Variants in PLEKHH2 observed in about 807,000 individuals in gnomAD.
The protein encoded by PLEKHH2 is pleckstrin homology, MyTH4 and FERM domain containing H2.
PLEKHH2 carries 129 observed loss-of-function variants against 187.9 expected under a neutral mutation model. That is an observed-to-expected ratio of 0.69 (90% confidence interval 0.59 to 0.79). The LOEUF is 0.79. Among genes scored for constraint, PLEKHH2 ranks in the 30% least tolerant of loss-of-function variants. The pLI, the probability that PLEKHH2 is intolerant of heterozygous loss-of-function variation, is 0.00. For synonymous variants in PLEKHH2, 686 were observed against 605.6 expected, an observed-to-expected ratio of 1.13 and a Z score of -1.95; for missense variants, 2,076 against 1,751.2, an observed-to-expected ratio of 1.19 and a Z score of -3.31.
intron 17 of PLEKHH2, among the ~76,000 whole-genome samples, chr2:43,727,743 C>G (rs931464431): frequency 1.3e-5 from 2 of 152,148 alleles, no homozygotes; most frequent in African/African-American, 4.8e-5. Flanking sequence ...GACTGAAGCA[C>G]TTTCCTGTGG....
chr2:43,678,770 G>A, intron 2 of PLEKHH2, 93 bp from the exon 3 acceptor site: 1 of 913,978 alleles, frequency 1.1e-6, no homozygotes, highest in Non-Finnish European at 1.7e-6. Flanking sequence ...AGGTGGAGGT[G>A]GAGGTAGAAT....
chr2:43,731,509 C>G lies in PLEKHH2; in HGVS notation c.2850C>G (p.His950Gln), dbSNP rs1466103187. 1 of 1,599,526 alleles carries G rather than the reference C, an allele frequency of 6.3e-7. No homozygotes were observed. Among genetic ancestry groups the G allele is most frequent in the East Asian group, 2.2e-5 (1 of 44,786 alleles). Residue 950 changes from histidine (H) to glutamine (Q), a missense_variant, in exon 19 of 30, where the codon CAC (histidine) becomes CAG (glutamine). Coordinates refer to ENST00000282406, the MANE Select transcript of PLEKHH2 (RefSeq NM_172069.4). Reference sequence around the variant, plus strand: ...ATTTAGCCTCTCAGATATGGAGACACCCCACTTTGTGTCACAGTAAAGAAG... The same window carrying G: ...ATTTAGCCTCTCAGATATGGAGACAGCCCACTTTGTGTCACAGTAAAGAAG... ...DGEPSSQIWR[H>Q]PTLCHSKEGI...
chr2:43,697,409 A>C, intron 7 of PLEKHH2, 53 bp downstream of exon 7: 18 of 1,409,768 alleles, frequency 1.3e-5, no homozygotes, highest in Non-Finnish European at 1.7e-5. Flanking sequence ...AGGAAGACTC[A>C]TTTGCTAAGA....
At chr2:43,743,689 AGGAGCTTT>A in intron 22 of PLEKHH2, 137 bp from the exon 23 acceptor site, 2 of 766,276 alleles carry the variant, frequency 2.6e-6, no homozygotes, top group Non-Finnish European at 3.8e-6. Flanking sequence ...TTTTCTCCAG[AGGAGCTTT>A]GGGAAAAAAA....
rs117165440 is a variant in PLEKHH2, at chr2:43,727,519, A to G, written c.2721+1068A>G. Among the ~76,000 whole-genome samples the G allele has an allele frequency of 3.9e-5, 6 of 152,358 alleles. No individual in the cohort carries two copies. The East Asian group carries it at 1.2e-3, about 29-fold the overall frequency. On this transcript the variant is annotated intron_variant, in intron 17 of 29. Transcript: ENST00000282406. The stretch of plus-strand genomic sequence containing the variant: ...ATAATTATTTATGTCAAATATTATC[A>G]TAAATATGACTAAAAAGATAATACA...
intron 15 of PLEKHH2, among the ~76,000 whole-genome samples, chr2:43,719,711 T>C (rs986214268): frequency 2.0e-5 from 3 of 152,236 alleles, no homozygotes; most frequent in Non-Finnish European, 4.4e-5. Flanking sequence ...GTCCTGGGAT[T>C]ACAGGCGTGA....
intron 27 of PLEKHH2, 86 bp from the exon 28 acceptor site, chr2:43,762,218 C>A: frequency 2.9e-6 from 3 of 1,022,156 alleles, no homozygotes; most frequent in South Asian, 1.5e-5. Flanking sequence ...TGTTTAATGG[C>A]AAATGTTACA....
At chr2:43,762,553 T>C (rs999878135) in intron 28 of PLEKHH2, among the ~76,000 whole-genome samples, 163 bp downstream of exon 28, 5 of 152,226 alleles carry the variant, frequency 3.3e-5, no homozygotes, top group African/African-American at 1.2e-4. Flanking sequence ...CAGCTATGAT[T>C]ATAATTTAAC....
At chr2:43,756,110 G>A (rs1289939799) in intron 25 of PLEKHH2, among the ~76,000 whole-genome samples, 1 of 152,052 alleles carries the variant, frequency 6.6e-6, no homozygotes, top group Non-Finnish European at 1.5e-5. Flanking sequence ...AGTATAAATT[G>A]TGGTTCCGAA....
chr2:43,653,951 G>T (rs774135523), intron 2 of PLEKHH2, among the ~76,000 whole-genome samples: 3 of 152,202 alleles, frequency 2.0e-5, no homozygotes, highest in Non-Finnish European at 2.9e-5. Flanking sequence ...CCAAAGGTAA[G>T]ATATAAACAT....
At chr2:43,641,701 C>T (rs1665938729) in intron 1 of PLEKHH2, among the ~76,000 whole-genome samples, 1 of 152,164 alleles carries the variant, frequency 6.6e-6, no homozygotes, top group Admixed American at 6.5e-5. Flanking sequence ...CACATTCATT[C>T]TTTTACATAT....
At chr2:43,641,040 G>A (rs1042220812) in intron 1 of PLEKHH2, among the ~76,000 whole-genome samples, 3 of 145,724 alleles carry the variant, frequency 2.1e-5, no homozygotes, top group East Asian at 2.0e-4. Context: ...CAGTCTAACC[G>A]CCTCGGCCTC....
chr2:43,726,395 A>G lies in PLEKHH2; in HGVS notation c.2665A>G (p.Ile889Val), dbSNP rs765226598. 1.2e-6 allele frequency: 2 copies of G among 1,611,820 alleles called. No homozygotes were observed. The highest frequency in any genetic ancestry group is 2.2e-5 in the South Asian group (2 of 91,022). The change falls in exon 17 of 30, where the codon ATC becomes GTC. Residue 889 changes from isoleucine (I) to valine (V), a missense_variant. Physicochemically the swap from Ile to Val is conservative, Grantham distance 29 (BLOSUM62 3). Coordinates refer to ENST00000282406, the MANE Select transcript of PLEKHH2 (RefSeq NM_172069.4). Reference sequence around the variant, plus strand: ...GTTATCCACACATTATACTATCGTTATCCATCCCAAAGACCAAGGTCCAAC... The same window carrying G: ...GTTATCCACACATTATACTATCGTTGTCCATCCCAAAGACCAAGGTCCAAC... Reference protein sequence around the residue: ...SLLSTHYTIVIHPKDQGPTYL... With the variant: ...SLLSTHYTIVVHPKDQGPTYL...
intron 2 of PLEKHH2, among the ~76,000 whole-genome samples, chr2:43,650,361 A>G (rs966873842): frequency 6.6e-5 from 10 of 151,572 alleles, no homozygotes; most frequent in East Asian, 2.0e-4. Flanking sequence ...TCAAACTCCT[A>G]ACCTTAACTG....
chr2:43,731,144 G>C (rs545847234), intron 18 of PLEKHH2, among the ~76,000 whole-genome samples: 2 of 152,108 alleles, frequency 1.3e-5, no homozygotes, highest in African/African-American at 4.8e-5. Context: ...GGGTGGGAAG[G>C]GGGTGAGGCA....
intron 24 of PLEKHH2, among the ~76,000 whole-genome samples, chr2:43,751,926 C>G (rs1040388175): frequency 2.1e-5 from 3 of 139,872 alleles, no homozygotes; most frequent in African/African-American, 8.0e-5. Context: ...CTCTCTCTCT[C>G]TTTTTTTTTT....
At chr2:43,682,202 TA>T (rs1668228566) in intron 3 of PLEKHH2, among the ~76,000 whole-genome samples, 1 of 152,254 alleles carries the variant, frequency 6.6e-6, no homozygotes, top group Non-Finnish European at 1.5e-5. Context: ...AAATTACCAG[TA>T]ATTCTTCAGT....
Position 43,758,810 on chromosome 2 carries a change from G to C in PLEKHH2, c.3942-90G>C, listed in dbSNP as rs544883808. ...AGGGATCACAGTTATGCTTAGGATT[G>C]GCTCAAGGAGAGTTTTATCTTAAGA... On this transcript the variant is annotated intron_variant, in intron 26 of 29. Coordinates refer to ENST00000282406, the MANE Select transcript of PLEKHH2 (RefSeq NM_172069.4). The C allele has an allele frequency of 9.6e-4, 1,101 of 1,149,030 alleles. 3 individuals carry two copies. The highest frequency in any genetic ancestry group is 1.2e-3 in the Non-Finnish European group (1,015 of 843,266). The allele number at this position is 1,149,030 out of a possible 1,614,324, so 71.2% of individuals were successfully genotyped here.
intron 5 of PLEKHH2, 116 bp downstream of exon 5, chr2:43,694,630 C>G: frequency 9.0e-7 from 1 of 1,110,472 alleles, no homozygotes; most frequent in African/African-American, 1.6e-5. Flanking sequence ...GTTGGTGATA[C>G]TGCTATCTTT....
Sources: gnomAD v4.1 joint callset for allele counts (sites outside exome capture counted in the v4.1 genomes callset) on GRCh38, gnomAD v4.1.1 for gene constraint, MANE v1.5 for transcripts, NCBI Gene and HGNC (gene_info 2026-07-23, HGNC 2026-07-21) for gene names.